Variants in FSTL5 observed in about 807,000 individuals in gnomAD.
The protein encoded by FSTL5 is follistatin like 5, also known as follistatin-related protein 5.
Under a neutral mutation model 89.1 loss-of-function variants are expected in FSTL5, and 62 were observed. That is an observed-to-expected ratio of 0.70 (90% CI 0.57 to 0.86). FSTL5 has a LOEUF of 0.86. FSTL5 is among the 40% of genes least tolerant of loss of function. FSTL5 has a pLI of 0.00. For missense variants in FSTL5, 1,057 were observed against 1,001.6 expected (o/e 1.06, Z -0.75); for synonymous variants, 383 against 346.2 (o/e 1.11, Z -1.18).
chr4:162,060,496 TA>T (rs869168637), intron 2 of FSTL5, among the ~76,000 whole-genome samples: 2 of 152,098 alleles, frequency 1.3e-5, no homozygotes, highest in African/African-American at 4.8e-5. Flanking sequence ...AAAACATTTT[TA>T]AAAAACTATT....
intron 15 of FSTL5, among the ~76,000 whole-genome samples, chr4:161,397,346 T>C (rs1161755577): frequency 1.3e-5 from 2 of 151,850 alleles, no homozygotes; most frequent in African/African-American, 2.4e-5. Context: ...ACAGAAAATA[T>C]TGGTGGAATA....
chr4:161,833,352 A>G (rs1157985250), intron 4 of FSTL5, among the ~76,000 whole-genome samples: 1 of 151,204 alleles, frequency 6.6e-6, no homozygotes, highest in East Asian at 1.9e-4. Flanking sequence ...AAAAATGTAT[A>G]TTCTGTTGAT....
At position 161,951,598 on chromosome 4, in the gene FSTL5, TACTA is replaced by T. The variant is rs1419289421; in HGVS notation, c.161-30950_161-30947del. Reference sequence around the variant, plus strand: ...TATGTAATGCTTGATACTACATGTGTACTAACTAATCCTGAACTAAAGAGATAGC... The same window carrying T: ...TATGTAATGCTTGATACTACATGTGTACTAATCCTGAACTAAAGAGATAGC... On this transcript the variant is annotated intron_variant, in intron 3 of 15. Coordinates refer to ENST00000306100, the MANE Select transcript of FSTL5 (RefSeq NM_020116.5). 2.0e-5 allele frequency among the ~76,000 whole-genome samples: 3 copies of T among 152,118 alleles called. No homozygotes were observed. In the East Asian group the frequency reaches 5.8e-4, roughly 29 times the overall value.
At chr4:161,823,456 C>T (rs1249370634) in intron 4 of FSTL5, among the ~76,000 whole-genome samples, 2 of 152,238 alleles carry the variant, frequency 1.3e-5, no homozygotes, top group Admixed American at 6.5e-5. Flanking sequence ...CATGTACACT[C>T]AACCAGGTTA....
intron 2 of FSTL5, among the ~76,000 whole-genome samples, chr4:162,097,575 T>C (rs990541693): frequency 2.0e-5 from 3 of 151,884 alleles, no homozygotes; most frequent in African/African-American, 7.2e-5. Flanking sequence ...AAGCTAATTA[T>C]ATATACTTTG....
chr4:161,747,458 T>C lies in FSTL5; in HGVS notation c.727+11953A>G, dbSNP rs373704441. Among the ~76,000 whole-genome samples the C allele has an allele frequency of 1.8e-4, 27 of 152,338 alleles. No individual in the cohort carries two copies. The East Asian group carries it at 2.5e-3, about 14-fold the overall frequency. On this transcript the variant is annotated intron_variant, in intron 6 of 15. Transcript: ENST00000306100. ...TTTACTTGTTTATTCAATAAAGTGT[T>C]ATTATCATTAATGCTAATTAAGCAA... is the stretch of plus-strand genomic sequence containing the variant.
At chr4:161,784,738 CA>C (rs533844160) in intron 4 of FSTL5, among the ~76,000 whole-genome samples, 25 of 151,722 alleles carry the variant, frequency 1.6e-4, no homozygotes, top group Non-Finnish European at 2.5e-4. Flanking sequence ...ACTAAAAATA[CA>C]AAAAATTAGC....
chr4:161,409,845 TAACAAC>T (rs1206603273), intron 15 of FSTL5, among the ~76,000 whole-genome samples: 1 of 152,038 alleles, frequency 6.6e-6, no homozygotes, highest in Admixed American at 6.6e-5. Context: ...AACAAACAGC[TAACAAC>T]ACCATGACAG....
At chr4:161,631,142 T>C (rs2126656054) in intron 7 of FSTL5, among the ~76,000 whole-genome samples, 1 of 152,296 alleles carries the variant, frequency 6.6e-6, no homozygotes, top group African/African-American at 2.4e-5. Flanking sequence ...ACTACAGCAA[T>C]GTAATTGTTG....
chr4:161,714,453 T>C (rs561312944), intron 6 of FSTL5, among the ~76,000 whole-genome samples: 2 of 152,330 alleles, frequency 1.3e-5, no homozygotes, highest in South Asian at 2.1e-4. Context: ...GTGAGAGCTA[T>C]CGTGAGTAAT....
intron 13 of FSTL5, among the ~76,000 whole-genome samples, chr4:161,470,123 A>G (rs1315931299): frequency 1.3e-5 from 2 of 152,132 alleles, no homozygotes; most frequent in African/African-American, 4.8e-5. Context: ...CAATTTATGT[A>G]ATTTTTCTTT....
At chr4:161,975,497 A>G (rs1205257753) in intron 3 of FSTL5, among the ~76,000 whole-genome samples, 6 of 148,928 alleles carry the variant, frequency 4.0e-5, no homozygotes, top group African/African-American at 7.4e-5. Context: ...GTAAACTATC[A>G]CAAGAACAAA....
chr4:161,830,987 C>G (rs772927269), intron 4 of FSTL5, among the ~76,000 whole-genome samples: 10 of 151,878 alleles, frequency 6.6e-5, no homozygotes, highest in Non-Finnish European at 1.5e-4. Flanking sequence ...ACTTAGAATA[C>G]TTGAAAATCA....
chr4:161,391,344 A>G (rs997734905), intron 15 of FSTL5, among the ~76,000 whole-genome samples: 1 of 152,166 alleles, frequency 6.6e-6, no homozygotes, highest in Non-Finnish European at 1.5e-5. Flanking sequence ...ATTGGATTAT[A>G]AATGTCATGT....
At chr4:161,690,057 A>G (rs1737877837) in intron 6 of FSTL5, among the ~76,000 whole-genome samples, 1 of 152,082 alleles carries the variant, frequency 6.6e-6, no homozygotes, top group Non-Finnish European at 1.5e-5. Context: ...ATGGGTGGAA[A>G]TTTGGGTTAT....
At chr4:161,645,952 G>A (rs2126673027) in intron 7 of FSTL5, among the ~76,000 whole-genome samples, 1 of 151,720 alleles carries the variant, frequency 6.6e-6, no homozygotes, top group Admixed American at 6.6e-5. Context: ...TTATAGTCTA[G>A]AGAAGAAAAA....
At chr4:161,461,384 C>G (rs549919550) in intron 13 of FSTL5, among the ~76,000 whole-genome samples, 70 of 131,668 alleles carry the variant, frequency 5.3e-4, no homozygotes, top group African/African-American at 1.8e-3. Context: ...ATGGCATGAA[C>G]CTGGGAGGCG....
At chr4:161,650,431 T>C (rs772058671) in intron 7 of FSTL5, among the ~76,000 whole-genome samples, 2 of 152,206 alleles carry the variant, frequency 1.3e-5, no homozygotes, top group African/African-American at 2.4e-5. Flanking sequence ...AAAATATTTA[T>C]AGTATATCTG....
chr4:161,904,950 A>G (rs1437633177), intron 4 of FSTL5, among the ~76,000 whole-genome samples: 1 of 151,934 alleles, frequency 6.6e-6, no homozygotes, highest in Non-Finnish European at 1.5e-5. Flanking sequence ...ATGTATATTT[A>G]TGAATTACCT....
Sources: allele counts gnomAD v4.1 joint callset (sites outside exome capture counted in the v4.1 genomes callset), GRCh38; gene constraint gnomAD v4.1.1; transcripts MANE v1.5; gene names NCBI Gene and HGNC (gene_info 2026-07-23, HGNC 2026-07-21).